ESRRG: variants seen among roughly 807,000 people sequenced by gnomAD.
The protein encoded by ESRRG is estrogen-related receptor gamma.
ESRRG carries 13 observed loss-of-function variants against 44.0 expected under a neutral mutation model. The observed-to-expected ratio is 0.30, with a 90% CI of 0.19 to 0.47. The LOEUF is 0.47. ESRRG is among the 20% of genes least tolerant of loss of function. The pLI, the probability that ESRRG is intolerant of heterozygous loss-of-function variation, is 1.00. For synonymous variants in ESRRG, 215 were observed against 214.6 expected, an observed-to-expected ratio of 1.00 and a Z score of -0.02; for missense variants, 395 against 580.6, an observed-to-expected ratio of 0.68 and a Z score of 3.29.
chr1:216,849,364 G>A (rs151033287), intron 2 of ESRRG, among the ~76,000 whole-genome samples: 19 of 152,146 alleles, frequency 1.2e-4, no homozygotes, highest in Admixed American at 7.2e-4. Context: ...ACTGGAATTC[G>A]TCACATGAAC....
At chr1:216,800,420 G>A (rs760375424) in intron 2 of ESRRG, among the ~76,000 whole-genome samples, 1 of 152,096 alleles carries the variant, frequency 6.6e-6, no homozygotes, top group Non-Finnish European at 1.5e-5. Context: ...TGAAAAGCAA[G>A]TACAAATATT....
At chr1:216,835,773 G>C (rs1321741734) in intron 2 of ESRRG, among the ~76,000 whole-genome samples, 1 of 152,198 alleles carries the variant, frequency 6.6e-6, no homozygotes, top group African/African-American at 2.4e-5. Context: ...AGGAACGGGA[G>C]TCAGGTCAAA....
chr1:216,976,324 G>A (rs1460848043), intron 1 of ESRRG, among the ~76,000 whole-genome samples: 2 of 141,322 alleles, frequency 1.4e-5, no homozygotes, highest in Non-Finnish European at 3.1e-5. Context: ...GTGTGTGTGT[G>A]TATGAAAATG....
At chr1:216,774,031 A>G (rs2093490927) in intron 2 of ESRRG, among the ~76,000 whole-genome samples, 1 of 152,120 alleles carries the variant, frequency 6.6e-6, no homozygotes. Context: ...AGTTCTATAT[A>G]AAGAGCATTA....
At chr1:216,683,576 G>C (rs996147211) in intron 1 of ESRRG, among the ~76,000 whole-genome samples, 4 of 152,208 alleles carry the variant, frequency 2.6e-5, no homozygotes, top group Non-Finnish European at 4.4e-5. Flanking sequence ...TGGGGACATA[G>C]AGCCAGCCCC....
intron 1 of ESRRG, among the ~76,000 whole-genome samples, chr1:217,051,126 T>C (rs1261063349): frequency 1.4e-5 from 2 of 144,964 alleles, no homozygotes; most frequent in Non-Finnish European, 3.0e-5. Context: ...GGCCTAGTAC[T>C]GGCCAGAAGG....
intron 2 of ESRRG, among the ~76,000 whole-genome samples, chr1:216,658,896 A>AAGAGG (rs2071450046): frequency 2.0e-5 from 3 of 150,248 alleles, no homozygotes; most frequent in African/African-American, 7.4e-5. Context: ...AAGAGAAGAG[A>AAGAGG]AGAGAAGAGA....
intron 5 of ESRRG, among the ~76,000 whole-genome samples, chr1:216,552,885 A>C (rs1318822520): frequency 6.6e-6 from 1 of 152,192 alleles, no homozygotes; most frequent in African/African-American, 2.4e-5. Flanking sequence ...AACATTTATT[A>C]TAAAGCTCTC....
At chr1:216,710,993 G>C (rs1312983570) in intron 1 of ESRRG, among the ~76,000 whole-genome samples, 5 of 152,186 alleles carry the variant, frequency 3.3e-5, no homozygotes, top group Admixed American at 3.3e-4. Flanking sequence ...GAAACAAGAT[G>C]TAAGCTGTCG....
chr1:216,897,067 G>A (rs192110213), intron 2 of ESRRG, among the ~76,000 whole-genome samples: 1 of 152,286 alleles, frequency 6.6e-6, no homozygotes. Context: ...GAGATGAGAA[G>A]AGTTTAAGTT....
intron 5 of ESRRG, among the ~76,000 whole-genome samples, chr1:216,540,568 C>T (rs956322550): frequency 6.6e-6 from 1 of 151,882 alleles, no homozygotes; most frequent in Non-Finnish European, 1.5e-5. Context: ...TTTCTAAATT[C>T]AATTTTAATA....
At chr1:216,602,833 A>C (rs1340167727) in intron 3 of ESRRG, among the ~76,000 whole-genome samples, 1 of 152,232 alleles carries the variant, frequency 6.6e-6, no homozygotes, top group Non-Finnish European at 1.5e-5. Flanking sequence ...CTATAAATTA[A>C]TTTAGTCTTT....
At chr1:216,896,049 A>G (rs1229408739) in intron 2 of ESRRG, among the ~76,000 whole-genome samples, 1 of 152,224 alleles carries the variant, frequency 6.6e-6, no homozygotes, top group East Asian at 1.9e-4. Context: ...CAAGGGTAAG[A>G]GTATACAAAT....
chr1:217,137,580 T>C (rs2093066658), intron 1 of ESRRG: 1 of 152,264 alleles, frequency 6.6e-6, no homozygotes. Flanking sequence ...CGAGCGCGCT[T>C]GCTTAAGAGT....
intron 1 of ESRRG, among the ~76,000 whole-genome samples, chr1:216,946,963 G>C (rs1258815676): frequency 6.6e-6 from 1 of 152,088 alleles, no homozygotes; most frequent in East Asian, 1.9e-4. Context: ...GCCTCCCTAA[G>C]TGCCATTACA....
intron 1 of ESRRG, among the ~76,000 whole-genome samples, chr1:216,965,370 G>T (rs774520144): frequency 6.6e-6 from 1 of 152,018 alleles, no homozygotes; most frequent in African/African-American, 2.4e-5. Flanking sequence ...TTAATGCAAG[G>T]CTTCATCTAT....
chr1:216,529,933 G>A (rs1307581857), intron 5 of ESRRG, among the ~76,000 whole-genome samples: 3 of 151,796 alleles, frequency 2.0e-5, no homozygotes, highest in South Asian at 2.1e-4. Flanking sequence ...CCTACATGGT[G>A]AAACCCCATC....
At chr1:216,572,214 C>T (rs149718313) in intron 3 of ESRRG, among the ~76,000 whole-genome samples, 10 of 152,096 alleles carry the variant, frequency 6.6e-5, no homozygotes, top group Middle Eastern at 3.4e-3. Flanking sequence ...AAAAGACAGA[C>T]GCAACTACTT....
At chr1:216,894,186 T>C (rs2058145083) in intron 2 of ESRRG, among the ~76,000 whole-genome samples, 1 of 152,124 alleles carries the variant, frequency 6.6e-6, no homozygotes, top group Non-Finnish European at 1.5e-5. Flanking sequence ...TGACTGTGGA[T>C]CATCCTGCAA....
Sources: allele counts gnomAD v4.1 joint callset (sites outside exome capture counted in the v4.1 genomes callset), GRCh38; gene constraint gnomAD v4.1.1; transcripts MANE v1.5; gene names NCBI Gene and HGNC (gene_info 2026-07-23, HGNC 2026-07-21).